Variants in CFTR observed in about 807,000 individuals in gnomAD.
CFTR encodes the protein CF transmembrane conductance regulator.
Under a neutral mutation model 171.6 loss-of-function variants are expected in CFTR, and 181 were observed. The observed-to-expected ratio is 1.05, with a 90% CI of 0.93 to 1.19. The LOEUF (loss-of-function observed/expected upper bound fraction) is 1.19, where lower values mean the gene tolerates loss of function less well. Ranked by LOEUF, CFTR falls within the 50% of genes most tolerant of loss-of-function variation. The pLI, the probability that CFTR is intolerant of heterozygous loss-of-function variation, is 0.00. For synonymous variants in CFTR, 583 were observed against 608.0 expected (o/e 0.96, Z 0.60); for missense variants, 1,968 against 1,734.7 (o/e 1.13, Z -2.39).
intron 1 of CFTR, among the ~76,000 whole-genome samples, chr7:117,499,429 C>CTGTGTGTGTGTGTGTGTGTGTGTGTG (rs56985019): frequency 7.4e-6 from 1 of 135,830 alleles, no homozygotes; most frequent in African/African-American, 2.9e-5. Context: ...ATAGTTTCAT[C>CTGTGTGTGTGTGTGTGTGTGTGTGTG]TGTGTGTGTG....
chr7:117,578,893 A>G (rs1253590802), intron 11 of CFTR, among the ~76,000 whole-genome samples: 1 of 152,098 alleles, frequency 6.6e-6, no homozygotes, highest in Non-Finnish European at 1.5e-5. Flanking sequence ...CCCTTCTAAT[A>G]TAACTCTTCT....
At chr7:117,609,610 A>G (rs1792351861) in intron 18 of CFTR, among the ~76,000 whole-genome samples, 1 of 152,124 alleles carries the variant, frequency 6.6e-6, no homozygotes, top group Non-Finnish European at 1.5e-5. Flanking sequence ...AGCATGAGAA[A>G]ATATGCTCCG....
rs538189682 is a variant in CFTR, at chr7:117,494,959, A to G, written c.54-9294A>G. 5.3e-5 allele frequency among the ~76,000 whole-genome samples: 8 copies of G among 152,226 alleles called. No individual in the cohort carries two copies. In the South Asian group the frequency reaches 1.5e-3, roughly 28 times the overall value. ...TAACAGTAACCGTGATGACGTTTTG[A>G]CAGTTGCACAAGTTTCTTTCTTTAA... is the stretch of plus-strand genomic sequence containing the variant. On this transcript the variant is annotated intron_variant, in intron 1 of 26. Transcript: ENST00000003084.
chr7:117,619,924 T>A (rs139639477), intron 21 of CFTR, among the ~76,000 whole-genome samples: 2 of 151,550 alleles, frequency 1.3e-5, no homozygotes, highest in East Asian at 3.9e-4. Context: ...CCAGTAAAGA[T>A]CAAGTGACTG....
intron 21 of CFTR, among the ~76,000 whole-genome samples, chr7:117,617,924 C>A (rs1205305497): frequency 6.6e-6 from 1 of 152,130 alleles, no homozygotes; most frequent in East Asian, 1.9e-4. Flanking sequence ...CTTTCCACAA[C>A]CTACTTCATT....
rs4148712 is a variant in CFTR, at chr7:117,595,142, CAT to C, written c.2619+86_2619+87del. 370,945 of 1,065,238 alleles carry C rather than the reference CAT, an allele frequency of 0.35. 72,004 individuals are homozygous for C. Among genetic ancestry groups the C allele is most frequent in the African/African-American group, 0.67 (42,413 of 63,574 alleles). 66.0% of individuals were successfully genotyped at this position (1,065,238 alleles called of 1,614,324 possible). A position where few individuals can be genotyped will look rare whatever the true frequency, so the allele number is the denominator to read the frequency against. Reference sequence around the variant, plus strand: ...GGATGTATACATATATATGCACACACATAAATATGTATATATACACATGTATA... The same window carrying C: ...GGATGTATACATATATATGCACACACAAATATGTATATATACACATGTATA... On this transcript the variant is annotated intron_variant, in intron 15 of 26. Coordinates refer to ENST00000003084, the MANE Select transcript of CFTR (RefSeq NM_000492.4).
intron 3 of CFTR, among the ~76,000 whole-genome samples, chr7:117,528,005 A>G (rs1377611717): frequency 8.1e-6 from 1 of 123,726 alleles, no homozygotes; most frequent in Non-Finnish European, 1.7e-5. Flanking sequence ...ATAGAATTGG[A>G]AAAAACTACT....
intron 23 of CFTR, among the ~76,000 whole-genome samples, chr7:117,649,649 C>T (rs914839572): frequency 6.6e-6 from 1 of 151,488 alleles, no homozygotes; most frequent in Non-Finnish European, 1.5e-5. Flanking sequence ...CATATCAGTC[C>T]ATTTATTTAT....
chr7:117,627,445 T>C, intron 21 of CFTR, 77 bp from the exon 22 acceptor site: 1 of 1,501,090 alleles, frequency 6.7e-7, no homozygotes, highest in South Asian at 1.2e-5. Flanking sequence ...TTACAAGTTA[T>C]TTTTTAGGAA....
chr7:117,503,392 C>T (rs1798363021), intron 1 of CFTR, among the ~76,000 whole-genome samples: 1 of 152,144 alleles, frequency 6.6e-6, no homozygotes, highest in African/African-American at 2.4e-5. Context: ...CTCGTGCTCT[C>T]GAATTTTATT....
intron 25 of CFTR, 126 bp from the exon 26 acceptor site, chr7:117,665,333 T>C (rs1793355741): frequency 1.5e-6 from 1 of 670,506 alleles, no homozygotes; most frequent in African/African-American, 1.8e-5. Context: ...ATATCAACAT[T>C]ATGTGAAAAG....
At chr7:117,522,993 T>A (rs172507) in intron 3 of CFTR, among the ~76,000 whole-genome samples, 30,814 of 152,104 alleles carry the variant, frequency 0.2, 3,329 homozygotes, top group African/African-American at 0.23. Context: ...GTGAGGTTTA[T>A]GTTGGTTTGC....
At chr7:117,587,713 C>G (rs1791961939) in intron 11 of CFTR, 26 bp from the exon 12 acceptor site, 2 of 1,333,414 alleles carry the variant, frequency 1.5e-6, no homozygotes, top group East Asian at 4.6e-5. Flanking sequence ...AAAAGTGACT[C>G]TCTAATTTTC....
rs532981331 is a variant in CFTR, at chr7:117,647,671, G to A, written c.3873+5078G>A. 2.1e-5 allele frequency among the ~76,000 whole-genome samples: 3 copies of A among 140,018 alleles called. No homozygotes were observed. In the South Asian group the frequency reaches 6.8e-4, roughly 32 times the overall value. 91.9% of individuals were successfully genotyped at this position (140,018 alleles called of 152,430 possible). A position where few individuals can be genotyped will look rare whatever the true frequency, so the allele number is the denominator to read the frequency against. On this transcript the variant is annotated intron_variant, in intron 23 of 26. Coordinates refer to ENST00000003084, the MANE Select transcript of CFTR (RefSeq NM_000492.4). The stretch of plus-strand genomic sequence containing the variant: ...GACACAGATCCAAACCATACCACCA[G>A]CTAATACCAAAAAAAAAAAAAAATT...
At chr7:117,544,001 C>T (rs929295089) in intron 9 of CFTR, among the ~76,000 whole-genome samples, 5 of 152,184 alleles carry the variant, frequency 3.3e-5, no homozygotes, top group African/African-American at 9.7e-5. Flanking sequence ...ATTTCCTAAT[C>T]TTCCAACTGT....
chr7:117,548,859 T>C, intron 10 of CFTR, 36 bp downstream of exon 10: 2 of 1,584,018 alleles, frequency 1.3e-6, no homozygotes, highest in Non-Finnish European at 1.7e-6. Flanking sequence ...AGAACTTAAT[T>C]TGGTGTCCAT....
At chr7:117,607,592 A>G (rs182114520) in intron 18 of CFTR, among the ~76,000 whole-genome samples, 2 of 151,552 alleles carry the variant, frequency 1.3e-5, no homozygotes, top group Non-Finnish European at 2.9e-5. Flanking sequence ...AACAGTTGGA[A>G]TAGGATGTTG....
At position 117,542,848 on chromosome 7, in the gene CFTR, A is replaced by G. The variant is rs542573191; in HGVS notation, c.1209+740A>G. 5.3e-5 allele frequency among the ~76,000 whole-genome samples: 8 copies of G among 152,328 alleles called. No individual in the cohort carries two copies. In the East Asian group the frequency reaches 1.2e-3, roughly 22 times the overall value. On this transcript the variant is annotated intron_variant, in intron 9 of 26. Coordinates refer to ENST00000003084, the MANE Select transcript of CFTR (RefSeq NM_000492.4). Reference sequence around the variant, plus strand: ...CTGAAGGAGAGAATTTAGGTAAAACATTCATCAGAGTACCATGCACACAGT... The same window carrying G: ...CTGAAGGAGAGAATTTAGGTAAAACGTTCATCAGAGTACCATGCACACAGT...
Position 117,667,032 on chromosome 7 carries a change from G to A in CFTR, c.4367G>A (p.Ser1456Asn), listed in dbSNP as rs983279303. The A allele has an allele frequency of 6.2e-7, 1 of 1,613,940 alleles. No homozygotes were observed. Among genetic ancestry groups the A allele is most frequent in the Non-Finnish European group, 8.5e-7 (1 of 1,179,982 alleles). Residue 1456 changes from serine to asparagine, a missense_variant, in exon 27 of 27, where the codon AGC becomes AAC. By Grantham distance (46) the Ser-to-Asn change is conservative. Coordinates refer to ENST00000003084, the MANE Select transcript of CFTR (RefSeq NM_000492.4). ...AAGCTCTTTCCCCACCGGAACTCAA[G>A]CAAGTGCAAGTCTAAGCCCCAGATT... Reference protein sequence around the residue: ...RVKLFPHRNSSKCKSKPQIAA... With the variant: ...RVKLFPHRNSNKCKSKPQIAA...
Sources: allele counts gnomAD v4.1 joint callset (sites outside exome capture counted in the v4.1 genomes callset), GRCh38; gene constraint gnomAD v4.1.1; transcripts MANE v1.5; gene names NCBI Gene and HGNC (gene_info 2026-07-23, HGNC 2026-07-21).